The following TM4SF4 variants were observed in gnomAD, a reference collection of about 807,000 sequenced individuals.
TM4SF4 encodes the protein transmembrane 4 L6 family member 4.
TM4SF4 carries 24 observed loss-of-function variants against 24.1 expected under a neutral mutation model. The ratio of observed to expected loss-of-function variants is 1.00; its 90% confidence interval spans 0.72 to 1.40. The LOEUF (loss-of-function observed/expected upper bound fraction) is 1.40. Ranked by LOEUF, TM4SF4 falls within the 40% of genes most tolerant of loss-of-function variation. The pLI, the probability that TM4SF4 is intolerant of heterozygous loss-of-function variation, is 0.00. For missense variants in TM4SF4, 254 were observed against 254.2 expected, an observed-to-expected ratio of 1.00 and a Z score of 0.01; for synonymous variants, 113 against 97.0, an observed-to-expected ratio of 1.17 and a Z score of -0.97.
At position 149,474,864 on chromosome 3, in the gene TM4SF4, C is replaced by T. The variant is rs372611565; in HGVS notation, c.-14C>T. ...GGAGCTTTTGATTGCTGACCTGTGT[C>T]GTACCACCCCAGAATGTGCACTGGG... is the stretch of plus-strand genomic sequence containing the variant. On this transcript the variant is annotated 5_prime_UTR_variant, in exon 1 of 5. Transcript: ENST00000305354. The T allele has an allele frequency of 1.4e-5, 22 of 1,606,350 alleles. No homozygotes were observed. The highest frequency in any genetic ancestry group is 6.9e-5 in the Admixed American group (4 of 57,710).
At chr3:149,476,017 T>C in intron 2 of TM4SF4, 105 bp downstream of exon 2, 4 of 932,286 alleles carry the variant, frequency 4.3e-6, no homozygotes, top group Non-Finnish European at 6.8e-6. Context: ...CAGCCAGGAC[T>C]CTGGGAGCAG....
chr3:149,502,716 A>ACT lies in TM4SF4; in HGVS notation c.*26_*27dup. The ACT allele has an allele frequency of 6.4e-7, 1 of 1,567,998 alleles. No individual in the cohort carries two copies. The highest frequency in any genetic ancestry group is 1.4e-5 in the African/African-American group (1 of 73,968). ...TAAACCTCCGAGATGAGCTGCTCAG[A>ACT]CTCTACAGCATGACGACTACAATTT... On this transcript the variant is annotated 3_prime_UTR_variant, in exon 5 of 5. Coordinates refer to ENST00000305354, the MANE Select transcript of TM4SF4 (RefSeq NM_004617.4).
rs7618556 is a variant in TM4SF4 at position 149,488,118 on chromosome 3, G to T, written c.401+363G>T. ...AGTTTTCATTACAAATCTCATAATA[G>T]AAAACAAGAATAATTAACCACTAAC... On this transcript the variant is annotated intron_variant, in intron 3 of 4. Coordinates refer to ENST00000305354, the MANE Select transcript of TM4SF4 (RefSeq NM_004617.4). 5.4e-3 allele frequency among the ~76,000 whole-genome samples: 826 copies of T among 152,198 alleles called. 5 individuals carry two copies. Among genetic ancestry groups the T allele is most frequent in the African/African-American group, 0.019 (799 of 41,506 alleles).
intron 2 of TM4SF4, 110 bp downstream of exon 2, chr3:149,476,022 G>C: frequency 1.1e-6 from 1 of 900,858 alleles, no homozygotes; most frequent in Non-Finnish European, 1.8e-6. Context: ...AGGACTCTGG[G>C]AGCAGCTGGT....
chr3:149,485,143 G>A (rs1433576457), intron 2 of TM4SF4, among the ~76,000 whole-genome samples: 1 of 152,182 alleles, frequency 6.6e-6, no homozygotes, highest in Non-Finnish European at 1.5e-5. Context: ...AATAATGTGA[G>A]AGTGAATGAT....
At chr3:149,486,699 T>C (rs183059642) in intron 2 of TM4SF4, among the ~76,000 whole-genome samples, 82 of 152,280 alleles carry the variant, frequency 5.4e-4, no homozygotes, top group Admixed American at 1.6e-3. Context: ...AAGAATGGAA[T>C]TTTTTGATTG....
intron 2 of TM4SF4, among the ~76,000 whole-genome samples, chr3:149,476,423 G>T (rs1300883149): frequency 1.3e-5 from 2 of 152,198 alleles, no homozygotes; most frequent in Non-Finnish European, 2.9e-5. Context: ...CTTCCACCAG[G>T]CTCTGCTTCA....
intron 4 of TM4SF4, among the ~76,000 whole-genome samples, chr3:149,499,657 G>C (rs909718795): frequency 6.7e-6 from 1 of 149,742 alleles, no homozygotes; most frequent in African/African-American, 2.4e-5. Flanking sequence ...TGTAAATAAA[G>C]GTCTATTCAC....
intron 3 of TM4SF4, chr3:149,495,431 A>G: frequency 2.6e-6 from 1 of 383,630 alleles, no homozygotes; most frequent in Non-Finnish European, 5.2e-6. Flanking sequence ...CCTATGTGCT[A>G]AGTGGAAACT....
intron 3 of TM4SF4, 150 bp downstream of exon 3, chr3:149,487,905 A>G (rs1400544604): frequency 8.8e-7 from 1 of 1,136,568 alleles, no homozygotes; most frequent in Non-Finnish European, 1.2e-6. Context: ...GAGTTGTGGA[A>G]TACAGCAAAG....
At chr3:149,479,919 A>T (rs1355375384) in intron 2 of TM4SF4, among the ~76,000 whole-genome samples, 1 of 152,094 alleles carries the variant, frequency 6.6e-6, no homozygotes, top group Non-Finnish European at 1.5e-5. Context: ...CAAGTAGGAG[A>T]TAGGAGAAGC....
rs1479943851 is a variant in TM4SF4, at chr3:149,502,715, G to C, written c.*22G>C. The C allele has an allele frequency of 6.4e-7, 1 of 1,573,022 alleles. No homozygotes were observed. Among genetic ancestry groups the C allele is most frequent in the Admixed American group, 1.7e-5 (1 of 59,594 alleles). On this transcript the variant is annotated 3_prime_UTR_variant, in exon 5 of 5. Coordinates refer to ENST00000305354, the MANE Select transcript of TM4SF4 (RefSeq NM_004617.4). ...TTAAACCTCCGAGATGAGCTGCTCA[G>C]ACTCTACAGCATGACGACTACAATT...
At chr3:149,496,355 G>A (rs1734311035) in intron 3 of TM4SF4, among the ~76,000 whole-genome samples, 1 of 152,050 alleles carries the variant, frequency 6.6e-6, no homozygotes, top group Non-Finnish European at 1.5e-5. Context: ...GATTATAGGT[G>A]CGTGTCCCCA....
Position 149,502,793 on chromosome 3 carries a change from C to A in TM4SF4, c.*100C>A. 1 of 870,900 alleles carries A rather than the reference C, an allele frequency of 1.1e-6. No homozygotes were observed. Among genetic ancestry groups the A allele is most frequent in the South Asian group, 1.6e-5 (1 of 64,140 alleles). The allele number at this position is 870,900 out of a possible 1,614,324, so 53.9% of individuals were successfully genotyped here. On this transcript the variant is annotated 3_prime_UTR_variant, in exon 5 of 5. Transcript: ENST00000305354. ...GGAATTATTAATTCCTATCTGCTTC[C>A]TAGCTGATAAAGCTTAGAAAAGGCA...
intron 2 of TM4SF4, among the ~76,000 whole-genome samples, chr3:149,480,695 A>T (rs1734019059): frequency 6.6e-6 from 1 of 152,154 alleles, no homozygotes; most frequent in South Asian, 2.1e-4. Context: ...CCTTGGAATG[A>T]CAGCCAACTT....
chr3:149,490,316 C>A (rs1455463887), intron 3 of TM4SF4, among the ~76,000 whole-genome samples: 1 of 152,216 alleles, frequency 6.6e-6, no homozygotes, highest in Non-Finnish European at 1.5e-5. Flanking sequence ...TCCAAATCTT[C>A]CCTCTAACTG....
At chr3:149,475,173 G>A (rs1436114702) in intron 1 of TM4SF4, 122 bp downstream of exon 1, 3 of 1,091,972 alleles carry the variant, frequency 2.7e-6, no homozygotes, top group Non-Finnish European at 3.9e-6. Context: ...AGCATTGCAT[G>A]GTGAGAGGTC....
At chr3:149,487,865 C>T in intron 3 of TM4SF4, 110 bp downstream of exon 3, 1 of 1,453,232 alleles carries the variant, frequency 6.9e-7, no homozygotes, top group Non-Finnish European at 9.4e-7. Context: ...ATGCAAGCCT[C>T]AGGCTCGGTG....
At chr3:149,480,314 A>T (rs538061302) in intron 2 of TM4SF4, among the ~76,000 whole-genome samples, 190 of 152,306 alleles carry the variant, frequency 1.2e-3, no homozygotes, top group Non-Finnish European at 1.9e-3. Flanking sequence ...CAACTCGTTT[A>T]TGTTAAGTAC....
Sources: allele counts gnomAD v4.1 joint callset (sites outside exome capture counted in the v4.1 genomes callset), GRCh38; gene constraint gnomAD v4.1.1; transcripts MANE v1.5; gene names NCBI Gene and HGNC (gene_info 2026-07-23, HGNC 2026-07-21).